Variants in DEFB131A observed in about 807,000 individuals in gnomAD.
The protein encoded by DEFB131A is beta-defensin 131A.
In DEFB131A, 5 loss-of-function variants were observed where a neutral mutation model predicts 2.4. That is an observed-to-expected ratio of 2.12 (90% CI 1.11 to 4.47). The LOEUF is 4.47. Ranked by LOEUF, DEFB131A falls within the 30% of genes most tolerant of loss-of-function variation. The pLI is 0.00. For missense variants in DEFB131A, 120 were observed against 79.9 expected, an observed-to-expected ratio of 1.50 and a Z score of -1.91; for synonymous variants, 34 against 25.7, an observed-to-expected ratio of 1.32 and a Z score of -0.97.
Position 9,447,924 on chromosome 4 carries a change from A to G in DEFB131A, c.59-2436A>G, listed in dbSNP as rs9999220. Among the ~76,000 whole-genome samples the G allele has an allele frequency of 2.0e-5, 3 of 152,198 alleles. No homozygotes were observed. In the South Asian group the frequency reaches 6.2e-4, roughly 32 times the overall value. ...ACTTAAAAGCAAAGAAAAAAGAATT[A>G]AAAAGAACAGAATATTTAATAAGTG... is the stretch of plus-strand genomic sequence containing the variant. On this transcript the variant is annotated intron_variant, in intron 1 of 1. Transcript: ENST00000334879.
intron 1 of DEFB131A, among the ~76,000 whole-genome samples, chr4:9,447,182 G>T (rs1463712764): frequency 1.3e-5 from 2 of 152,152 alleles, no homozygotes; most frequent in East Asian, 3.9e-4. Flanking sequence ...CTGAAAGTGG[G>T]ATATTGAAGC....
intron 1 of DEFB131A, among the ~76,000 whole-genome samples, chr4:9,446,877 C>T (rs1262296252): frequency 6.6e-6 from 1 of 152,042 alleles, no homozygotes; most frequent in Non-Finnish European, 1.5e-5. Flanking sequence ...GTTTAATTTC[C>T]ATGTTATCTG....
rs950376030 is a variant in DEFB131A, at chr4:9,450,578, T to C, written c.*64T>C. ...AACATGTCTTAAACTCTCTTATCTATGAATAATTAACATGATAGATGAAAA... is the reference window on the plus strand; with the variant it reads ...AACATGTCTTAAACTCTCTTATCTACGAATAATTAACATGATAGATGAAAA... On this transcript the variant is annotated 3_prime_UTR_variant, in exon 2 of 2. Transcript: ENST00000334879. 8.5e-5 allele frequency: 131 copies of C among 1,548,026 alleles called. No homozygotes were observed. In the African/African-American group the frequency reaches 1.5e-3, roughly 17 times the overall value.
At chr4:9,447,191 G>T (rs958531482) in intron 1 of DEFB131A, among the ~76,000 whole-genome samples, 1 of 152,118 alleles carries the variant, frequency 6.6e-6, no homozygotes, top group African/African-American at 2.4e-5. Flanking sequence ...GGATATTGAA[G>T]CCCTCAGTTA....
intron 1 of DEFB131A, among the ~76,000 whole-genome samples, chr4:9,447,039 G>A (rs1239374099): frequency 9.9e-5 from 15 of 152,210 alleles, no homozygotes; most frequent in South Asian, 2.1e-4. Flanking sequence ...TCTATGTGAT[G>A]AGGAGAAGAA....
chr4:9,449,453 T>G lies in DEFB131A; in HGVS notation c.59-907T>G, dbSNP rs542344275. Among the ~76,000 whole-genome samples, 7 of 147,956 alleles carry G rather than the reference T, an allele frequency of 4.7e-5. No individual in the cohort carries two copies. In the Admixed American group the frequency reaches 4.8e-4, roughly 10 times the overall value. On this transcript the variant is annotated intron_variant, in intron 1 of 1. Transcript: ENST00000334879. ...AGAATATATAATGGGGAAAAGACGGTTTCTTCAATACTTCGTACTGAGAAA... is the reference window on the plus strand; with the variant it reads ...AGAATATATAATGGGGAAAAGACGGGTTCTTCAATACTTCGTACTGAGAAA...
At chr4:9,445,769 G>A (rs1188087351) in intron 1 of DEFB131A, among the ~76,000 whole-genome samples, 1 of 151,794 alleles carries the variant, frequency 6.6e-6, no homozygotes, top group Non-Finnish European at 1.5e-5. Context: ...TCTTAAAATT[G>A]TGCACCCCTC....
intron 1 of DEFB131A, among the ~76,000 whole-genome samples, chr4:9,447,056 C>T (rs1422040796): frequency 1.3e-5 from 2 of 152,072 alleles, no homozygotes; most frequent in African/African-American, 4.8e-5. Context: ...AGAATGTGTA[C>T]TCCACAGCTA....
In DEFB131A at chr4:9,444,562, T is replaced by C. The variant is rs775882142; in HGVS notation, c.29T>C (p.Val10Ala). Residue 10 changes from valine to alanine, a missense_variant, in exon 1 of 2, where the codon GTC (valine) becomes GCC (alanine). Physicochemically the swap from Val to Ala is moderately conservative, Grantham distance 64 (BLOSUM62 0). Transcript: ENST00000334879. MRVLFFVFGVLSLMFTVPPA... is the reference protein window; with the variant it reads MRVLFFVFGALSLMFTVPPA... ...AGGGTCTTGTTTTTTGTCTTTGGAG[T>C]CCTTTCCTTGATGTTCACAGTTCCT... 6 of 1,611,214 alleles carry C rather than the reference T, an allele frequency of 3.7e-6. No individual in the cohort carries two copies. In the South Asian group the frequency reaches 4.4e-5, roughly 12 times the overall value.
At chr4:9,446,357 AT>A (rs1383043986) in intron 1 of DEFB131A, among the ~76,000 whole-genome samples, 2 of 151,866 alleles carry the variant, frequency 1.3e-5, no homozygotes, top group African/African-American at 4.8e-5. Context: ...GTAAAAAAAA[AT>A]TCTTCGTATG....
intron 1 of DEFB131A, among the ~76,000 whole-genome samples, chr4:9,445,465 T>C (rs1717470797): frequency 6.6e-6 from 1 of 152,132 alleles, no homozygotes; most frequent in African/African-American, 2.4e-5. Context: ...CCCACATTAA[T>C]TTTAAAATTC....
At chr4:9,444,711 G>C in intron 1 of DEFB131A, 120 bp downstream of exon 1, 1 of 986,208 alleles carries the variant, frequency 1.0e-6, no homozygotes, top group South Asian at 1.6e-5. Context: ...CATGAAGGCT[G>C]CTCAGAGGAT....
chr4:9,447,499 G>T (rs1378687589), intron 1 of DEFB131A, among the ~76,000 whole-genome samples: 1 of 152,172 alleles, frequency 6.6e-6, no homozygotes, highest in Admixed American at 6.5e-5. Flanking sequence ...TTTTCTCACA[G>T]TTCTGGAAGT....
chr4:9,449,140 G>A (rs1717584487), intron 1 of DEFB131A, among the ~76,000 whole-genome samples: 1 of 150,704 alleles, frequency 6.6e-6, no homozygotes, highest in Admixed American at 6.7e-5. Context: ...AAAGATGAAA[G>A]ACTGGTACAT....
chr4:9,444,927 CA>C (rs58008628), intron 1 of DEFB131A, among the ~76,000 whole-genome samples: 23,274 of 142,594 alleles, frequency 0.16, 2,009 homozygotes, highest in East Asian at 0.29. Flanking sequence ...AAAAAAAATA[CA>C]AAAAATTAAT....
chr4:9,445,520 T>A (rs1430054161), intron 1 of DEFB131A, among the ~76,000 whole-genome samples: 2 of 151,626 alleles, frequency 1.3e-5, no homozygotes, highest in African/African-American at 4.8e-5. Flanking sequence ...GGTTCATACC[T>A]GAGATTTAGA....
chr4:9,445,432 A>T (rs1354357066), intron 1 of DEFB131A, among the ~76,000 whole-genome samples: 2 of 152,284 alleles, frequency 1.3e-5, no homozygotes, highest in Admixed American at 6.5e-5. Flanking sequence ...TAAGCATATT[A>T]ATTAAATAAT....
intron 1 of DEFB131A, among the ~76,000 whole-genome samples, chr4:9,445,266 T>C (rs1314402575): frequency 6.6e-6 from 1 of 152,020 alleles, no homozygotes; most frequent in Non-Finnish European, 1.5e-5. Flanking sequence ...ACAGGATAAA[T>C]TCACCACTGA....
intron 1 of DEFB131A, among the ~76,000 whole-genome samples, chr4:9,446,100 A>G (rs1258971534): frequency 6.6e-6 from 1 of 152,152 alleles, no homozygotes; most frequent in Non-Finnish European, 1.5e-5. Context: ...AGTAAATTCT[A>G]TCTCAATAAA....
Sources: gnomAD v4.1 joint callset for allele counts (sites outside exome capture counted in the v4.1 genomes callset) on GRCh38, gnomAD v4.1.1 for gene constraint, MANE v1.5 for transcripts, NCBI Gene and HGNC (gene_info 2026-07-23, HGNC 2026-07-21) for gene names.